The following LRRTM4 variants were observed in gnomAD, a reference collection of about 807,000 sequenced individuals.
LRRTM4 encodes leucine-rich repeat transmembrane neuronal protein 4.
In LRRTM4, 25 loss-of-function variants were observed where a neutral mutation model predicts 47.6. That is an observed-to-expected ratio of 0.53 (90% CI 0.38 to 0.73). LRRTM4 has a LOEUF of 0.73. Ranked by LOEUF, LRRTM4 falls within the 30% of genes least tolerant of loss-of-function variation. The probability of loss-of-function intolerance (pLI) is 0.00; values close to 1 mark genes in which losing one functional copy is unlikely to be tolerated. For missense variants in LRRTM4, 638 were observed against 713.4 expected, an observed-to-expected ratio of 0.89 and a Z score of 1.20; for synonymous variants, 311 against 269.5, an observed-to-expected ratio of 1.15 and a Z score of -1.51.
chr2:76,780,463 T>A (rs764760033), intron 3 of LRRTM4, among the ~76,000 whole-genome samples: 1 of 152,164 alleles, frequency 6.6e-6, no homozygotes, highest in Non-Finnish European at 1.5e-5. Flanking sequence ...CTCATTTCTT[T>A]TTATTCTTTT....
chr2:76,801,420 A>T (rs1263239205), intron 3 of LRRTM4, among the ~76,000 whole-genome samples: 1 of 152,122 alleles, frequency 6.6e-6, no homozygotes, highest in Admixed American at 6.5e-5. Context: ...AAGAACAAAA[A>T]ACCAAACAGC....
chr2:76,848,087 CAA>C (rs1170133080), intron 3 of LRRTM4, among the ~76,000 whole-genome samples: 2 of 152,038 alleles, frequency 1.3e-5, no homozygotes, highest in African/African-American at 2.4e-5. Context: ...CCTTTTTTCT[CAA>C]AGTTTTTTTC....
intron 3 of LRRTM4, among the ~76,000 whole-genome samples, chr2:76,880,041 C>T (rs1380174876): frequency 1.3e-5 from 2 of 152,168 alleles, no homozygotes; most frequent in Non-Finnish European, 2.9e-5. Flanking sequence ...AAAGTAGAAT[C>T]TTGAGATGGA....
intron 3 of LRRTM4, among the ~76,000 whole-genome samples, chr2:76,957,642 T>A (rs1442044007): frequency 6.6e-6 from 1 of 151,760 alleles, no homozygotes; most frequent in South Asian, 2.1e-4. Flanking sequence ...TTGACTGTCC[T>A]CTTATGATAG....
Position 77,095,508 on chromosome 2 carries a change from CTT to C in LRRTM4, c.1552-346594_1552-346593del, listed in dbSNP as rs373406392. 1.9e-4 allele frequency among the ~76,000 whole-genome samples: 28 copies of C among 143,998 alleles called. No homozygotes were observed. The South Asian group carries it at 2.0e-3, about 10-fold the overall frequency. 94.5% of individuals were successfully genotyped at this position (143,998 alleles called of 152,430 possible). On this transcript the variant is annotated intron_variant, in intron 3 of 3. Transcript: ENST00000409884. ...CAAAATATGAAATACCATATGCAAA[CTT>C]TTTTTTTTTTTTTTAGACAGAGTCT...
At chr2:76,969,301 T>A (rs1676141589) in intron 3 of LRRTM4, among the ~76,000 whole-genome samples, 1 of 151,942 alleles carries the variant, frequency 6.6e-6, no homozygotes, top group South Asian at 2.1e-4. Context: ...AACTTTTTTA[T>A]CTATCTCATT....
intron 3 of LRRTM4, among the ~76,000 whole-genome samples, chr2:77,106,226 A>G (rs937471238): frequency 1.3e-5 from 2 of 152,194 alleles, no homozygotes; most frequent in African/African-American, 2.4e-5. Flanking sequence ...CTTCACTATT[A>G]TATAAAACAA....
chr2:77,103,481 C>T (rs1671011042), intron 3 of LRRTM4, among the ~76,000 whole-genome samples: 2 of 151,896 alleles, frequency 1.3e-5, no homozygotes, highest in Non-Finnish European at 2.9e-5. Context: ...AGCACTTGTT[C>T]GCTGAGCATG....
At chr2:76,858,367 A>G (rs1241371068) in intron 3 of LRRTM4, among the ~76,000 whole-genome samples, 2 of 152,176 alleles carry the variant, frequency 1.3e-5, no homozygotes, top group African/African-American at 4.8e-5. Flanking sequence ...ACCTGAAGTC[A>G]AACAGAAACA....
chr2:76,980,734 A>G (rs1167619531), intron 3 of LRRTM4, among the ~76,000 whole-genome samples: 1 of 152,096 alleles, frequency 6.6e-6, no homozygotes, highest in African/African-American at 2.4e-5. Flanking sequence ...TTTGGTAACC[A>G]TGAGAAAAGA....
intron 3 of LRRTM4, among the ~76,000 whole-genome samples, chr2:77,135,181 G>C (rs1319189971): frequency 2.6e-5 from 4 of 152,158 alleles, no homozygotes; most frequent in Admixed American, 2.6e-4. Flanking sequence ...TCCTTCGCAG[G>C]AAATGGCCAA....
Position 77,177,934 on chromosome 2 carries a change from T to C in LRRTM4, c.1551+340384A>G, listed in dbSNP as rs542578930. On this transcript the variant is annotated intron_variant, in intron 3 of 3. Transcript: ENST00000409884. ...TCAGTTTTAAGCAACACAATTCCTT[T>C]TGGGGAACTTTTATTACAGTGAGAG... 8.7e-4 allele frequency among the ~76,000 whole-genome samples: 133 copies of C among 152,258 alleles called. 2 individuals are homozygous for C. Among genetic ancestry groups the C allele is most frequent in the African/African-American group, 3.1e-3 (130 of 41,556 alleles).
rs1368983082 is a variant in LRRTM4, at chr2:76,994,685, G to A, written c.1552-245769C>T. 2.0e-5 allele frequency among the ~76,000 whole-genome samples: 3 copies of A among 151,862 alleles called. No homozygotes were observed. In the East Asian group the frequency reaches 5.8e-4, roughly 29 times the overall value. On this transcript the variant is annotated intron_variant, in intron 3 of 3. Transcript: ENST00000409884. ...TTTTCAAGAAATATCAAAATTAACA[G>A]AATAAGATGAGTAATTTGTGATTGA... is the stretch of plus-strand genomic sequence containing the variant.
chr2:77,513,182 A>C (rs1679085016), intron 3 of LRRTM4, among the ~76,000 whole-genome samples: 1 of 152,268 alleles, frequency 6.6e-6, no homozygotes, highest in Admixed American at 6.5e-5. Flanking sequence ...TGAGTTACAT[A>C]TTTTCCCCTC....
intron 3 of LRRTM4, among the ~76,000 whole-genome samples, chr2:77,005,794 A>G (rs1178288089): frequency 6.6e-6 from 1 of 152,164 alleles, no homozygotes; most frequent in Admixed American, 6.5e-5. Flanking sequence ...TCTTTCCTTT[A>G]TAAATTACTC....
chr2:76,974,838 CTCTT>C (rs1469600913), intron 3 of LRRTM4, among the ~76,000 whole-genome samples: 1 of 151,548 alleles, frequency 6.6e-6, no homozygotes, highest in Non-Finnish European at 1.5e-5. Context: ...AACCATTTTA[CTCTT>C]TTTTTTAATT....
At chr2:77,046,481 T>C (rs896563027) in intron 3 of LRRTM4, among the ~76,000 whole-genome samples, 2 of 151,974 alleles carry the variant, frequency 1.3e-5, no homozygotes, top group South Asian at 2.1e-4. Context: ...TAACCTGATA[T>C]CCAGTTGCCA....
In LRRTM4 at chr2:77,074,614, A is replaced by G. The variant is rs528036485; in HGVS notation, c.1552-325698T>C. Among the ~76,000 whole-genome samples the G allele has an allele frequency of 2.4e-4, 36 of 152,218 alleles. 1 individual carries two copies. The South Asian group carries it at 7.5e-3, about 32-fold the overall frequency. On this transcript the variant is annotated intron_variant, in intron 3 of 3. Transcript: ENST00000409884. ...TATGTGTATATATCTGGCTGGATAT[A>G]TTTTTTATCACTGTGAATTATAGTC...
At chr2:76,892,268 T>C (rs1376067299) in intron 3 of LRRTM4, among the ~76,000 whole-genome samples, 3 of 151,672 alleles carry the variant, frequency 2.0e-5, no homozygotes, top group South Asian at 2.1e-4. Context: ...CAATTTCCAA[T>C]GGTAAGAAGC....
Sources: allele counts gnomAD v4.1 joint callset (sites outside exome capture counted in the v4.1 genomes callset), GRCh38; gene constraint gnomAD v4.1.1; transcripts MANE v1.5; gene names NCBI Gene and HGNC (gene_info 2026-07-23, HGNC 2026-07-21).